Variants in ATF7 observed in about 807,000 individuals in gnomAD.
ATF7 encodes the protein activating transcription factor 7.
ATF7 carries 10 observed loss-of-function variants against 50.4 expected under a neutral mutation model. That is an observed-to-expected ratio of 0.20 (90% confidence interval 0.12 to 0.34). The LOEUF is 0.34. Ranked by LOEUF, ATF7 falls within the 10% of genes least tolerant of loss-of-function variation. The pLI is 1.00. For synonymous variants in ATF7, 201 were observed against 226.4 expected, an observed-to-expected ratio of 0.89 and a Z score of 1.01; for missense variants, 465 against 613.9, an observed-to-expected ratio of 0.76 and a Z score of 2.56.
At chr12:53,509,792 C>T (rs1278287284), downstream of ATF7, among the ~76,000 whole-genome samples, 1 of 152,134 alleles carries the variant, frequency 6.6e-6, no homozygotes, top group Non-Finnish European at 1.5e-5. Context: ...AGGCGTGAGC[C>T]ACCGCACCTG....
intron 2 of ATF7, among the ~76,000 whole-genome samples, chr12:53,577,971 C>G (rs1942191782): frequency 6.6e-6 from 1 of 152,000 alleles, no homozygotes; most frequent in East Asian, 1.9e-4. Context: ...GGAAAATCAC[C>G]TTACCTACAG....
intron 1 of ATF7, among the ~76,000 whole-genome samples, chr12:53,624,163 A>G (rs775950651): frequency 1.9e-4 from 29 of 152,354 alleles, no homozygotes; most frequent in Non-Finnish European, 3.8e-4. Context: ...TGCCAGGCAA[A>G]CTGGAAATGT....
chr12:53,587,362 G>T (rs759348646), intron 2 of ATF7, among the ~76,000 whole-genome samples: 3 of 38,514 alleles, frequency 7.8e-5, no homozygotes, highest in Admixed American at 3.7e-4. Context: ...GCGAAATTCC[G>T]CATCAAAAAA....
intron 3 of ATF7, 82 bp downstream of exon 3, chr12:53,552,459 A>G (rs1330036798): frequency 1.9e-6 from 2 of 1,072,660 alleles, no homozygotes; most frequent in East Asian, 4.9e-5. Context: ...AAGGGAGTAC[A>G]GCTCCCAGTA....
intron 9 of ATF7, among the ~76,000 whole-genome samples, chr12:53,525,613 G>T (rs1476083252): frequency 6.6e-6 from 1 of 152,146 alleles, no homozygotes; most frequent in African/African-American, 2.4e-5. Context: ...TTTATAATCA[G>T]TTATTAATCA....
At chr12:53,517,447 A>G in intron 11 of ATF7, 93 bp from the exon 12 acceptor site, 1 of 1,260,622 alleles carries the variant, frequency 7.9e-7, no homozygotes, top group East Asian at 2.6e-5. Context: ...ATTCTAAAGG[A>G]GCCCAAAAGG....
chr12:53,531,967 G>C, intron 8 of ATF7, 71 bp from the exon 9 acceptor site: 1 of 1,550,508 alleles, frequency 6.4e-7, no homozygotes, highest in Non-Finnish European at 8.8e-7. Flanking sequence ...AGTGGCCTTA[G>C]ATTTTATTAT....
intron 2 of ATF7, among the ~76,000 whole-genome samples, chr12:53,593,829 G>A (rs917626566): frequency 1.3e-5 from 2 of 152,222 alleles, no homozygotes; most frequent in Non-Finnish European, 2.9e-5. Context: ...TAGGCCATCT[G>A]CTGATTACTT....
intron 7 of ATF7, among the ~76,000 whole-genome samples, chr12:53,532,837 C>T (rs945858624): frequency 6.6e-6 from 1 of 152,120 alleles, no homozygotes; most frequent in African/African-American, 2.4e-5. Flanking sequence ...GGGGCAATTT[C>T]TGTGGGAAGG....
intron 2 of ATF7, among the ~76,000 whole-genome samples, chr12:53,588,872 T>C (rs1158215520): frequency 6.6e-6 from 1 of 152,182 alleles, no homozygotes; most frequent in Non-Finnish European, 1.5e-5. Flanking sequence ...ATAAAAAACA[T>C]TGTAGACTAG....
intron 2 of ATF7, among the ~76,000 whole-genome samples, chr12:53,560,470 G>T (rs1356793259): frequency 6.6e-6 from 1 of 152,144 alleles, no homozygotes; most frequent in Non-Finnish European, 1.5e-5. Context: ...CTCTGAGCCA[G>T]GCACAAGCAT....
In ATF7 at chr12:53,552,646, A is replaced by G; in HGVS notation, c.49-9T>C. 1 of 1,607,826 alleles carries G rather than the reference A, an allele frequency of 6.2e-7. No individual in the cohort carries two copies. The highest frequency in any genetic ancestry group is 1.7e-5 in the Admixed American group (1 of 59,980). ...TCCTCGTTTGTAAATCTCTGAAACGAAACAGAAATGGAGATATGAAAAAAC... is the reference window on the plus strand; with the variant it reads ...TCCTCGTTTGTAAATCTCTGAAACGGAACAGAAATGGAGATATGAAAAAAC... On this transcript the variant is annotated splice_polypyrimidine_tract_variant and intron_variant, in intron 2 of 11. Coordinates refer to ENST00000420353, the MANE Select transcript of ATF7 (RefSeq NM_006856.3).
chr12:53,602,231 T>C (rs1943434469), intron 1 of ATF7, among the ~76,000 whole-genome samples: 2 of 152,210 alleles, frequency 1.3e-5, no homozygotes, highest in Non-Finnish European at 2.9e-5. Context: ...AGAGAGGAAC[T>C]ACAATTTGAA....
intron 10 of ATF7, among the ~76,000 whole-genome samples, chr12:53,523,865 T>A (rs1247583394): frequency 6.6e-6 from 1 of 152,076 alleles, no homozygotes; most frequent in African/African-American, 2.4e-5. Flanking sequence ...CATGGCTAGA[T>A]CTCCAGGAAA....
At chr12:53,581,874 G>A (rs531897200) in intron 2 of ATF7, among the ~76,000 whole-genome samples, 1 of 151,196 alleles carries the variant, frequency 6.6e-6, no homozygotes, top group South Asian at 2.1e-4. Context: ...TATAATCCCG[G>A]CACTTTGGGA....
intron 9 of ATF7, among the ~76,000 whole-genome samples, chr12:53,526,629 T>C (rs1938487804): frequency 6.6e-6 from 1 of 151,948 alleles, no homozygotes; most frequent in Non-Finnish European, 1.5e-5. Context: ...GGCAGGTGGA[T>C]CACCTGAGGT....
At chr12:53,539,686 CAATG>C (rs144445994) in intron 4 of ATF7, among the ~76,000 whole-genome samples, 8,625 of 148,330 alleles carry the variant, frequency 0.058, 283 homozygotes, top group African/African-American at 0.077. Flanking sequence ...AAGATCCTGT[CAATG>C]AATGAATGAA....
At chr12:53,537,685 G>T in intron 4 of ATF7, 133 bp from the exon 5 acceptor site, 1 of 1,040,076 alleles carries the variant, frequency 9.6e-7, no homozygotes, top group Non-Finnish European at 1.4e-6. Context: ...TGAACTGCAT[G>T]TCAAATAAAT....
At chr12:53,576,853 A>C (rs1176580238) in intron 2 of ATF7, among the ~76,000 whole-genome samples, 2 of 151,936 alleles carry the variant, frequency 1.3e-5, no homozygotes, top group African/African-American at 2.4e-5. Context: ...TCAGGAGTTA[A>C]AGACCAGCCT....
Sources: gnomAD v4.1 joint callset for allele counts (sites outside exome capture counted in the v4.1 genomes callset) on GRCh38, gnomAD v4.1.1 for gene constraint, MANE v1.5 for transcripts, NCBI Gene and HGNC (gene_info 2026-07-23, HGNC 2026-07-21) for gene names.